MSI2: variants seen among roughly 807,000 people sequenced by gnomAD.
The protein encoded by MSI2 is RNA-binding protein Musashi homolog 2.
In MSI2, 17 loss-of-function variants were observed where a neutral mutation model predicts 45.6. The observed-to-expected ratio is 0.37, with a 90% CI of 0.26 to 0.56. The LOEUF (loss-of-function observed/expected upper bound fraction) is 0.56, where lower values mean the gene tolerates loss of function less well. Ranked by LOEUF, MSI2 falls within the 20% of genes least tolerant of loss-of-function variation. The probability of loss-of-function intolerance (pLI) is 0.77; values close to 1 mark genes in which losing one functional copy is unlikely to be tolerated. For synonymous variants in MSI2, 156 were observed against 158.2 expected (o/e 0.99, Z 0.11); for missense variants, 293 against 444.2 (o/e 0.66, Z 3.06).
At chr17:57,460,904 G>A (rs1232300282) in intron 6 of MSI2, among the ~76,000 whole-genome samples, 1 of 152,180 alleles carries the variant, frequency 6.6e-6, no homozygotes, top group Admixed American at 6.5e-5. Flanking sequence ...GGCCAAAGGA[G>A]AGACGTGAGG....
intron 10 of MSI2, among the ~76,000 whole-genome samples, chr17:57,645,368 A>G (rs1319386946): frequency 6.6e-6 from 1 of 152,184 alleles, no homozygotes; most frequent in Non-Finnish European, 1.5e-5. Flanking sequence ...GATGTGTGCC[A>G]TAAATTTACT....
intron 6 of MSI2, among the ~76,000 whole-genome samples, chr17:57,434,101 C>T (rs79841956): frequency 3.3e-5 from 5 of 152,044 alleles, no homozygotes; most frequent in East Asian, 1.9e-4. Context: ...AACATTTTAA[C>T]GATTTATTTT....
At chr17:57,437,370 T>G (rs1236538598) in intron 6 of MSI2, among the ~76,000 whole-genome samples, 1 of 152,216 alleles carries the variant, frequency 6.6e-6, no homozygotes, top group Non-Finnish European at 1.5e-5. Context: ...GCCAGAGCTC[T>G]TTGATGCCAA....
chr17:57,556,915 G>A (rs558123366), intron 7 of MSI2, among the ~76,000 whole-genome samples: 1 of 152,280 alleles, frequency 6.6e-6, no homozygotes, highest in Non-Finnish European at 1.5e-5. Flanking sequence ...GGCCTTATTT[G>A]GTGTTTAGTA....
intron 6 of MSI2, among the ~76,000 whole-genome samples, chr17:57,438,112 G>A (rs993285771): frequency 6.6e-5 from 10 of 152,186 alleles, no homozygotes; most frequent in Admixed American, 3.9e-4. Flanking sequence ...ACCTCCCAGC[G>A]CCTGGGAGAC....
At chr17:57,476,842 T>C (rs1254203239) in intron 6 of MSI2, among the ~76,000 whole-genome samples, 1 of 152,190 alleles carries the variant, frequency 6.6e-6, no homozygotes, top group African/African-American at 2.4e-5. Flanking sequence ...TGTCATGGGT[T>C]TTCCAGAGCC....
intron 6 of MSI2, among the ~76,000 whole-genome samples, chr17:57,466,678 A>AT (rs996317209): frequency 6.6e-6 from 1 of 151,812 alleles, no homozygotes; most frequent in Non-Finnish European, 1.5e-5. Context: ...AACTGTTTTC[A>AT]TTTTTTTTCC....
chr17:57,584,757 A>C (rs909426894), intron 7 of MSI2, among the ~76,000 whole-genome samples: 1 of 150,440 alleles, frequency 6.6e-6, no homozygotes, highest in African/African-American at 2.4e-5. Flanking sequence ...CTGCACAGCC[A>C]GGTGCGACAC....
intron 5 of MSI2, among the ~76,000 whole-genome samples, chr17:57,363,012 A>G (rs1324350087): frequency 1.3e-5 from 2 of 152,236 alleles, no homozygotes; most frequent in Non-Finnish European, 2.9e-5. Flanking sequence ...ACTTCTGGTT[A>G]TATACATGAG....
At chr17:57,438,582 G>A (rs2143443562) in intron 6 of MSI2, among the ~76,000 whole-genome samples, 1 of 152,252 alleles carries the variant, frequency 6.6e-6, no homozygotes, top group African/African-American at 2.4e-5. Flanking sequence ...TGACAAGGAG[G>A]GGTGGCAAGC....
intron 10 of MSI2, among the ~76,000 whole-genome samples, chr17:57,643,931 G>C (rs906608438): frequency 1.3e-5 from 2 of 152,192 alleles, no homozygotes; most frequent in African/African-American, 4.8e-5. Flanking sequence ...CTTCCCAGCA[G>C]GCAGGCCTGG....
At chr17:57,606,417 G>T (rs568082095) in intron 8 of MSI2, 1 of 152,394 alleles carries the variant, frequency 6.6e-6, no homozygotes, top group East Asian at 1.9e-4. Context: ...TCTCAGCTCA[G>T]AGAGCCGGCA....
At chr17:57,483,217 G>A (rs1329413805) in intron 6 of MSI2, among the ~76,000 whole-genome samples, 1 of 152,058 alleles carries the variant, frequency 6.6e-6, no homozygotes, top group Non-Finnish European at 1.5e-5. Context: ...GAGCTGTTCT[G>A]CTTATAGAGT....
chr17:57,294,179 C>T (rs1910721259), intron 5 of MSI2, among the ~76,000 whole-genome samples: 2 of 152,090 alleles, frequency 1.3e-5, no homozygotes. Flanking sequence ...TGGCTCTGAC[C>T]AGCCACAAAT....
At chr17:57,514,163 G>A (rs189121613) in intron 6 of MSI2, among the ~76,000 whole-genome samples, 1 of 152,184 alleles carries the variant, frequency 6.6e-6, no homozygotes. Flanking sequence ...ACTATTTCAA[G>A]GGGGTCTTGA....
At chr17:57,575,675 G>A (rs907359830) in intron 7 of MSI2, among the ~76,000 whole-genome samples, 1 of 152,312 alleles carries the variant, frequency 6.6e-6, no homozygotes, top group Non-Finnish European at 1.5e-5. Flanking sequence ...GCCGGGCGCG[G>A]TGGCTCAGGC....
chr17:57,597,067 C>T, intron 8 of MSI2, 117 bp downstream of exon 8: 1 of 701,680 alleles, frequency 1.4e-6, no homozygotes, highest in Non-Finnish European at 2.5e-6. Flanking sequence ...GGGGAGGGGG[C>T]TAGATGCTCG....
chr17:57,580,827 T>C (rs539587701), intron 7 of MSI2, among the ~76,000 whole-genome samples: 1 of 152,226 alleles, frequency 6.6e-6, no homozygotes, highest in African/African-American at 2.4e-5. Context: ...AAAGCTCTTA[T>C]CACCGCAGTC....
chr17:57,392,838 T>C (rs533032051), intron 5 of MSI2, among the ~76,000 whole-genome samples: 2 of 152,118 alleles, frequency 1.3e-5, no homozygotes, highest in Admixed American at 1.3e-4. Flanking sequence ...GCATTCAGAC[T>C]CTTGGCTTAG....
Sources: gnomAD v4.1 joint callset for allele counts (sites outside exome capture counted in the v4.1 genomes callset) on GRCh38, gnomAD v4.1.1 for gene constraint, MANE v1.5 for transcripts, NCBI Gene and HGNC (gene_info 2026-07-23, HGNC 2026-07-21) for gene names.